Variants in DPP10 observed in about 807,000 individuals in gnomAD.
DPP10 encodes the protein dipeptidyl peptidase like 10, also known as inactive dipeptidyl peptidase 10.
In DPP10, 33 loss-of-function variants were observed where a neutral mutation model predicts 120.9. The ratio of observed to expected loss-of-function variants is 0.27; its 90% CI spans 0.21 to 0.37. DPP10 has a LOEUF of 0.37. DPP10 is among the 10% of genes least tolerant of loss of function. The probability of loss-of-function intolerance (pLI) is 1.00; values close to 1 mark genes in which losing one functional copy is unlikely to be tolerated. For missense variants in DPP10, 816 were observed against 942.8 expected (o/e 0.87, Z 1.76); for synonymous variants, 337 against 326.1 (o/e 1.03, Z -0.36).
chr2:115,840,311 G>GTGTTTTTTTT (rs1575965088), intron 24 of DPP10, among the ~76,000 whole-genome samples: 1 of 33,242 alleles, frequency 3.0e-5, no homozygotes, highest in African/African-American at 9.0e-5. Flanking sequence ...CAGATATAAG[G>GTGTTTTTTTT]TTTTTTGGTT....
At chr2:114,753,652 G>A (rs536353888) in intron 1 of DPP10, among the ~76,000 whole-genome samples, 1 of 152,254 alleles carries the variant, frequency 6.6e-6, no homozygotes, top group Admixed American at 6.5e-5. Context: ...GCTCACGCCT[G>A]TAATCCCAGC....
intron 1 of DPP10, among the ~76,000 whole-genome samples, chr2:114,995,276 A>G (rs79944047): frequency 0.041 from 6,262 of 152,218 alleles, 191 homozygotes; most frequent in Middle Eastern, 0.085. Flanking sequence ...CATAACCAAT[A>G]TGGTTGCTTT....
At chr2:115,244,228 A>ATG in intron 1 of DPP10, among the ~76,000 whole-genome samples, 1 of 37,970 alleles carries the variant, frequency 2.6e-5, no homozygotes, top group African/African-American at 1.2e-4. Context: ...ATATATATAT[A>ATG]TATATATATA....
intron 1 of DPP10, among the ~76,000 whole-genome samples, chr2:115,002,293 A>G (rs1701496006): frequency 2.0e-5 from 3 of 152,226 alleles, no homozygotes; most frequent in Admixed American, 1.3e-4. Flanking sequence ...TATTCAATAA[A>G]TAGGGCTGAG....
chr2:114,999,757 C>T (rs969404984), intron 1 of DPP10, among the ~76,000 whole-genome samples: 1 of 152,122 alleles, frequency 6.6e-6, no homozygotes, highest in African/African-American at 2.4e-5. Flanking sequence ...CTCCTAGAAC[C>T]TCCTCTGTAT....
chr2:114,594,688 A>T (rs1691760857), intron 1 of DPP10, among the ~76,000 whole-genome samples: 2 of 151,706 alleles, frequency 1.3e-5, no homozygotes, highest in African/African-American at 2.4e-5. Context: ...CTGCAAAAAG[A>T]TTGAAGGACA....
chr2:115,137,431 G>A (rs894481663), intron 1 of DPP10, among the ~76,000 whole-genome samples: 1 of 152,220 alleles, frequency 6.6e-6, no homozygotes, highest in African/African-American at 2.4e-5. Context: ...AGTGCAGGAT[G>A]TGGCAAGACT....
At chr2:114,666,878 A>G (rs942490686) in intron 1 of DPP10, among the ~76,000 whole-genome samples, 2 of 152,246 alleles carry the variant, frequency 1.3e-5, no homozygotes, top group Non-Finnish European at 2.9e-5. Context: ...AATCGTAACT[A>G]TATAATAACA....
At chr2:114,661,657 A>C (rs1263064744) in intron 1 of DPP10, among the ~76,000 whole-genome samples, 1 of 152,086 alleles carries the variant, frequency 6.6e-6, no homozygotes, top group Non-Finnish European at 1.5e-5. Context: ...TGCTGTTTGT[A>C]TGTTCTATTC....
At chr2:115,762,756 A>T (rs942782727) in intron 12 of DPP10, 146 bp downstream of exon 12, 1 of 935,510 alleles carries the variant, frequency 1.1e-6, no homozygotes, top group African/African-American at 1.7e-5. Context: ...AGGATCACTT[A>T]TGACTTGGGC....
At chr2:115,357,957 G>A (rs1370685930) in intron 3 of DPP10, among the ~76,000 whole-genome samples, 2 of 152,014 alleles carry the variant, frequency 1.3e-5, no homozygotes, top group Non-Finnish European at 2.9e-5. Context: ...ACACAGTACC[G>A]AGGCTATACA....
chr2:115,501,525 A>G (rs1417819303), intron 4 of DPP10, among the ~76,000 whole-genome samples: 2 of 152,036 alleles, frequency 1.3e-5, no homozygotes, highest in Non-Finnish European at 2.9e-5. Flanking sequence ...CTTAATTACC[A>G]CAGGGTCATA....
Position 114,511,609 on chromosome 2 carries a change from C to T in DPP10, c.60+68771C>T, listed in dbSNP as rs1309056955. On this transcript the variant is annotated intron_variant, in intron 1 of 25. Coordinates refer to ENST00000410059, the MANE Select transcript of DPP10 (RefSeq NM_020868.6). Reference sequence around the variant, plus strand: ...AAACCACCTTAGAGTTACACATTTTCCAAGATCTCAACTGAGCTTCTGAAC... The same window carrying T: ...AAACCACCTTAGAGTTACACATTTTTCAAGATCTCAACTGAGCTTCTGAAC... Among the ~76,000 whole-genome samples the T allele has an allele frequency of 4.6e-5, 7 of 152,150 alleles. No individual in the cohort carries two copies. In the East Asian group the frequency reaches 1.3e-3, roughly 29 times the overall value.
At chr2:115,231,004 C>T (rs2057709203) in intron 1 of DPP10, among the ~76,000 whole-genome samples, 1 of 151,806 alleles carries the variant, frequency 6.6e-6, no homozygotes, top group African/African-American at 2.4e-5. Flanking sequence ...AGAAAACACA[C>T]TTCAGTGTTC....
At chr2:114,906,160 T>G (rs1180068132) in intron 1 of DPP10, among the ~76,000 whole-genome samples, 1 of 152,104 alleles carries the variant, frequency 6.6e-6, no homozygotes, top group East Asian at 1.9e-4. Flanking sequence ...GAGTGATTGC[T>G]TGAGGCCAGG....
At chr2:114,640,463 A>G (rs1332873868) in intron 1 of DPP10, among the ~76,000 whole-genome samples, 1 of 151,922 alleles carries the variant, frequency 6.6e-6, no homozygotes, top group South Asian at 2.1e-4. Context: ...TTCAGCAGCC[A>G]TAGTGTATGA....
rs541558223 is a variant in DPP10, at chr2:114,959,486, T to G, written c.61-349753T>G. Among the ~76,000 whole-genome samples the G allele has an allele frequency of 5.9e-5, 9 of 152,336 alleles. No individual in the cohort carries two copies. The South Asian group carries it at 1.9e-3, about 32-fold the overall frequency. On this transcript the variant is annotated intron_variant, in intron 1 of 25. Coordinates refer to ENST00000410059, the MANE Select transcript of DPP10 (RefSeq NM_020868.6). ...ACTCATTCATCAGCTGATGAACATT[T>G]TGAGTTGTTTCTTCTTTTTGCCTAT...
chr2:115,230,086 T>G (rs1352247805), intron 1 of DPP10, among the ~76,000 whole-genome samples: 1 of 151,982 alleles, frequency 6.6e-6, no homozygotes, highest in Admixed American at 6.6e-5. Flanking sequence ...TTGGGTCTCC[T>G]TCAGTTTCTT....
In DPP10 at chr2:114,908,285, T is replaced by C. The variant is rs570084452; in HGVS notation, c.61-400954T>C. On this transcript the variant is annotated intron_variant, in intron 1 of 25. Coordinates refer to ENST00000410059, the MANE Select transcript of DPP10 (RefSeq NM_020868.6). ...TGATCTTTCACTCTTGATTGGATTA[T>C]TCAATCCATTCACATTTAATGTTAT... is the stretch of plus-strand genomic sequence containing the variant. Among the ~76,000 whole-genome samples, 7 of 152,110 alleles carry C rather than the reference T, an allele frequency of 4.6e-5. No homozygotes were observed. The South Asian group carries it at 1.4e-3, about 32-fold the overall frequency.
Sources: gnomAD v4.1 joint callset for allele counts (sites outside exome capture counted in the v4.1 genomes callset) on GRCh38, gnomAD v4.1.1 for gene constraint, MANE v1.5 for transcripts, NCBI Gene and HGNC (gene_info 2026-07-23, HGNC 2026-07-21) for gene names.